The following KCNG2 variants were observed in gnomAD, a reference collection of about 807,000 sequenced individuals.
The protein encoded by KCNG2 is voltage-gated potassium channel regulatory subunit KCNG2.
KCNG2 carries 7 observed loss-of-function variants against 12.3 expected under a neutral mutation model. That is an observed-to-expected ratio of 0.57 (90% CI 0.32 to 1.07). The LOEUF (loss-of-function observed/expected upper bound fraction) is 1.07. Ranked by LOEUF, KCNG2 falls within the 50% of genes least tolerant of loss-of-function variation. KCNG2 has a pLI of 0.04. For missense variants in KCNG2, 703 were observed against 726.0 expected, an observed-to-expected ratio of 0.97 and a Z score of 0.36; for synonymous variants, 414 against 351.4, an observed-to-expected ratio of 1.18 and a Z score of -1.99.
chr18:79,851,498 G>C (rs1020095777), intron 1 of KCNG2, among the ~76,000 whole-genome samples: 2 of 152,148 alleles, frequency 1.3e-5, no homozygotes, highest in Admixed American at 1.3e-4. Flanking sequence ...ACACTCAGAG[G>C]ATGCACATGA....
In KCNG2 at chr18:79,859,495, C is replaced by T. The variant is rs549574134; in HGVS notation, c.-41+3043C>T. On this transcript the variant is annotated intron_variant, in intron 2 of 3. Coordinates refer to ENST00000316249, the MANE Select transcript of KCNG2 (RefSeq NM_012283.2). ...AAGGGCTAGGGGTGCCAGGCGGGTT[C>T]AACAGCCAACTCTGGAGTGAACTCA... 2.0e-3 allele frequency among the ~76,000 whole-genome samples: 301 copies of T among 152,300 alleles called. 2 individuals are homozygous for T. The highest frequency in any genetic ancestry group is 6.6e-3 in the African/African-American group (273 of 41,566).
At chr18:79,830,723 C>T (rs1978293301) in intron 1 of KCNG2, among the ~76,000 whole-genome samples, 1 of 147,508 alleles carries the variant, frequency 6.8e-6, no homozygotes, top group African/African-American at 2.5e-5. Flanking sequence ...GGGTTCCCTG[C>T]AGACAGAGCC....
rs1438056134 is a variant in KCNG2, at chr18:79,873,402, G to A, written c.624+9111G>A. ...TCTGTCACTCCCCGTGCTGGCCCAC[G>A]GGTGCCGCTCCTGCCGGCCCCCCTC... is the stretch of plus-strand genomic sequence containing the variant. On this transcript the variant is annotated intron_variant, in intron 3 of 3. Coordinates refer to ENST00000316249, the MANE Select transcript of KCNG2 (RefSeq NM_012283.2). 3.3e-5 allele frequency among the ~76,000 whole-genome samples: 5 copies of A among 149,660 alleles called. 1 individual carries two copies. The highest frequency in any genetic ancestry group is 6.6e-5 in the Admixed American group (1 of 15,080).
intron 3 of KCNG2, among the ~76,000 whole-genome samples, chr18:79,868,084 C>T (rs1979681531): frequency 6.6e-6 from 1 of 152,176 alleles, no homozygotes; most frequent in Non-Finnish European, 1.5e-5. Flanking sequence ...GTTTGGCTGT[C>T]CTCGGTCGAA....
chr18:79,892,260 ATCT>A (rs1980770692), intron 3 of KCNG2, among the ~76,000 whole-genome samples: 1 of 152,106 alleles, frequency 6.6e-6, no homozygotes, highest in Non-Finnish European at 1.5e-5. Context: ...TACTTGTTAT[ATCT>A]TCTTGATGGA....
At chr18:79,882,834 TACACCTGCGCGTGGA>T (rs1568269808) in intron 3 of KCNG2, among the ~76,000 whole-genome samples, 4 of 150,878 alleles carry the variant, frequency 2.7e-5, no homozygotes, top group Non-Finnish European at 4.4e-5. Context: ...GGAGGCCGGG[TACACCTGCGCGTGGA>T]GCGCGGAGGC....
intron 2 of KCNG2, among the ~76,000 whole-genome samples, chr18:79,859,688 AT>A (rs1319445028): frequency 6.6e-6 from 1 of 152,150 alleles, no homozygotes; most frequent in East Asian, 1.9e-4. Flanking sequence ...GTCCAACTTT[AT>A]TTTTTTACAT....
At chr18:79,872,656 G>T (rs1377593801) in intron 3 of KCNG2, among the ~76,000 whole-genome samples, 2 of 152,220 alleles carry the variant, frequency 1.3e-5, no homozygotes, top group Admixed American at 6.5e-5. Context: ...GCAGTTGCGG[G>T]CTGGCTTAGT....
intron 1 of KCNG2, among the ~76,000 whole-genome samples, chr18:79,817,477 TCA>T (rs2087538720): frequency 2.0e-5 from 3 of 151,172 alleles, no homozygotes; most frequent in African/African-American, 7.3e-5. Flanking sequence ...CCCATGGTTG[TCA>T]CACACGTGTC....
chr18:79,869,771 C>A (rs1979756419), intron 3 of KCNG2, among the ~76,000 whole-genome samples: 1 of 152,222 alleles, frequency 6.6e-6, no homozygotes, highest in Non-Finnish European at 1.5e-5. Context: ...GATTCTCTGA[C>A]CCTCAAAAAG....
At chr18:79,824,197 C>T (rs1310203194) in intron 1 of KCNG2, among the ~76,000 whole-genome samples, 1 of 152,194 alleles carries the variant, frequency 6.6e-6, no homozygotes, top group African/African-American at 2.4e-5. Flanking sequence ...CAGGGTTTCG[C>T]CATTTTGCCC....
rs369616408 is a variant in KCNG2 at position 79,890,534 on chromosome 18, C to T, written c.625-8506C>T. Among the ~76,000 whole-genome samples, 47 of 152,290 alleles carry T rather than the reference C, an allele frequency of 3.1e-4. No homozygotes were observed. The South Asian group carries it at 9.1e-3, about 30-fold the overall frequency. The stretch of plus-strand genomic sequence containing the variant: ...CATCTTTATGTCCATGAGCACCCAA[C>T]GTTTAGCTCGCACTTACGAGTGAGA... On this transcript the variant is annotated intron_variant, in intron 3 of 3. Coordinates refer to ENST00000316249, the MANE Select transcript of KCNG2 (RefSeq NM_012283.2).
intron 3 of KCNG2, among the ~76,000 whole-genome samples, chr18:79,888,787 G>A (rs1283503626): frequency 6.6e-6 from 1 of 151,960 alleles, no homozygotes; most frequent in Non-Finnish European, 1.5e-5. Flanking sequence ...CAATTCTCGT[G>A]CCTCGGCCTC....
At chr18:79,889,462 G>T (rs1980669388) in intron 3 of KCNG2, among the ~76,000 whole-genome samples, 2 of 137,374 alleles carry the variant, frequency 1.5e-5, no homozygotes, top group African/African-American at 4.9e-5. Context: ...TTATCAAAGT[G>T]TAAGTTTTTT....
intron 3 of KCNG2, among the ~76,000 whole-genome samples, chr18:79,887,095 C>A (rs1431791757): frequency 7.0e-6 from 1 of 142,892 alleles, no homozygotes; most frequent in African/African-American, 2.8e-5. Context: ...GGACATAGGG[C>A]CATAGGGACA....
Position 79,845,304 on chromosome 18 carries a change from G to A in KCNG2, c.-114-11075G>A, listed in dbSNP as rs186515723. The stretch of plus-strand genomic sequence containing the variant: ...AGGCAGGGGGTGTGGCTGTGAATCC[G>A]CAGGAGGGACCCTTGTGTGAGGAGA... On this transcript the variant is annotated intron_variant, in intron 1 of 3. Coordinates refer to ENST00000316249, the MANE Select transcript of KCNG2 (RefSeq NM_012283.2). Among the ~76,000 whole-genome samples the A allele has an allele frequency of 2.3e-3, 356 of 152,240 alleles. 1 individual carries two copies. Among genetic ancestry groups the A allele is most frequent in the Non-Finnish European group, 3.3e-3 (226 of 68,016 alleles).
At chr18:79,890,873 T>C (rs1438935910) in intron 3 of KCNG2, among the ~76,000 whole-genome samples, 1 of 152,242 alleles carries the variant, frequency 6.6e-6, no homozygotes, top group Non-Finnish European at 1.5e-5. Context: ...TGCTGCTTTA[T>C]CACCCTTTTT....
At chr18:79,842,718 TG>T (rs1978499138) in intron 1 of KCNG2, among the ~76,000 whole-genome samples, 1 of 152,178 alleles carries the variant, frequency 6.6e-6, no homozygotes, top group African/African-American at 2.4e-5. Context: ...CACGCATGAT[TG>T]AATTGAAAAA....
In KCNG2 at chr18:79,863,770, C is replaced by G. The variant is rs1022857832; in HGVS notation, c.103C>G (p.Leu35Val). 5.5e-6 allele frequency: 7 copies of G among 1,263,776 alleles called. No homozygotes were observed. Among genetic ancestry groups the G allele is most frequent in the Non-Finnish European group, 7.0e-6 (7 of 999,944 alleles). 78.3% of individuals were successfully genotyped at this position (1,263,776 alleles called of 1,614,324 possible). A position where few individuals can be genotyped will look rare whatever the true frequency, so the allele number is the denominator to read the frequency against. The change falls in exon 3 of 4, where the codon CTG becomes GTG. Residue 35 changes from leucine (L) to valine (V), a missense_variant. Coordinates refer to ENST00000316249, the MANE Select transcript of KCNG2 (RefSeq NM_012283.2). Reference protein sequence around the residue: ...GCRVRLAWAALARCPLARLER... With the variant: ...GCRVRLAWAAVARCPLARLER... ...CCGCGTGCGCCTGGCATGGGCCGCG[C>G]TGGCGCGATGCCCCCTCGCGCGCCT...
Sources: gnomAD v4.1 joint callset for allele counts (sites outside exome capture counted in the v4.1 genomes callset) on GRCh38, gnomAD v4.1.1 for gene constraint, MANE v1.5 for transcripts, NCBI Gene and HGNC (gene_info 2026-07-23, HGNC 2026-07-21) for gene names.